ZFR2: variants seen among roughly 807,000 people sequenced by gnomAD.
ZFR2 encodes zinc finger RNA-binding protein 2.
A neutral mutation model predicts 105.7 loss-of-function variants in ZFR2; 104 were observed. That is an observed-to-expected ratio of 0.98 (90% CI 0.84 to 1.16). The LOEUF (loss-of-function observed/expected upper bound fraction) is 1.16, where lower values mean the gene tolerates loss of function less well. Ranked by LOEUF, ZFR2 falls within the 50% of genes most tolerant of loss-of-function variation. The pLI, the probability that ZFR2 is intolerant of heterozygous loss-of-function variation, is 0.00. For synonymous variants in ZFR2, 634 were observed against 597.7 expected, an observed-to-expected ratio of 1.06 and a Z score of -0.89; for missense variants, 1,425 against 1,355.5, an observed-to-expected ratio of 1.05 and a Z score of -0.80.
intron 6 of ZFR2, among the ~76,000 whole-genome samples, chr19:3,826,447 T>G (rs546228076): frequency 6.6e-6 from 1 of 151,384 alleles, no homozygotes; most frequent in Non-Finnish European, 1.5e-5. Flanking sequence ...CTTTTTTTTT[T>G]CTTTTGGCGA....
chr19:3,827,590 C>G lies in ZFR2; in HGVS notation c.916G>C (p.Val306Leu). Residue 306 changes from valine to leucine, a missense_variant, in exon 6 of 19, where the codon GTG (valine) becomes CTG (leucine). Val to Leu is a conservative substitution (Grantham distance 32). Transcript: ENST00000262961. ...CCGCGCGGGCTCCCGTTGGGCTGCA[C>G]GCCTGTCTTCTGGGCCGCCTCCTTC... Reference protein sequence around the residue: ...RKKEAAQKTGVQPNGSPRGVQ... With the variant: ...RKKEAAQKTGLQPNGSPRGVQ... 2 of 1,576,300 alleles carry G rather than the reference C, an allele frequency of 1.3e-6. No individual in the cohort carries two copies. The highest frequency in any genetic ancestry group is 1.7e-6 in the Non-Finnish European group (2 of 1,161,454).
At position 3,822,170 on chromosome 19, in the gene ZFR2, A is replaced by C; in HGVS notation, c.1402T>G (p.Phe468Val). 6.2e-7 allele frequency: 1 copy of C among 1,606,062 alleles called. No individual in the cohort carries two copies. Among genetic ancestry groups the C allele is most frequent in the Non-Finnish European group, 8.5e-7 (1 of 1,176,718 alleles). Residue 468 changes from phenylalanine (F) to valine (V), a missense_variant, in exon 9 of 19, where the codon TTC (phenylalanine) becomes GTC (valine). Phe to Val is a conservative substitution (Grantham distance 50). Coordinates refer to ENST00000262961, the MANE Select transcript of ZFR2 (RefSeq NM_015174.2). ...CTGCACTCGCACAGCTTGCAGTGGAAGCGAAGCACTCGCCCTTCGTCGCTG... is the reference window on the plus strand; with the variant it reads ...CTGCACTCGCACAGCTTGCAGTGGACGCGAAGCACTCGCCCTTCGTCGCTG... Reference protein sequence around the residue: ...VFSDEGRVLRFHCKLCECSFN... With the variant: ...VFSDEGRVLRVHCKLCECSFN...
intron 5 of ZFR2, among the ~76,000 whole-genome samples, chr19:3,830,835 G>A (rs1415179346): frequency 6.6e-6 from 1 of 152,180 alleles, no homozygotes; most frequent in Non-Finnish European, 1.5e-5. Flanking sequence ...AAGCTCGTGT[G>A]TTTGGTAAAG....
Position 3,806,027 on chromosome 19 carries a change from C to A in ZFR2, c.2742G>T (p.Arg914Ser). 6.5e-7 allele frequency: 1 copy of A among 1,545,162 alleles called. No individual in the cohort carries two copies. The highest frequency in any genetic ancestry group is 8.7e-7 in the Non-Finnish European group (1 of 1,146,468). Residue 914 changes from arginine to serine, a missense_variant, in exon 19 of 19, where the codon AGG becomes AGT. Coordinates refer to ENST00000262961, the MANE Select transcript of ZFR2 (RefSeq NM_015174.2). The stretch of plus-strand genomic sequence containing the variant: ...CCTCTCCCTCGCCAGGTCCCCGTTG[C>A]CTCTTCCGGAAGCGGGCCCCCAGCC... The part of the protein sequence containing the change: ...RHRLGARFRK[R>S]QRGPGEGEEG...
intron 3 of ZFR2, among the ~76,000 whole-genome samples, chr19:3,833,207 C>T (rs1293614438): frequency 6.7e-6 from 1 of 148,634 alleles, no homozygotes; most frequent in African/African-American, 2.5e-5. Flanking sequence ...TGAGATCGCA[C>T]CACTGCACTC....
chr19:3,837,221 T>C (rs558366211), intron 1 of ZFR2, among the ~76,000 whole-genome samples: 2 of 152,344 alleles, frequency 1.3e-5, no homozygotes, highest in South Asian at 4.1e-4. Flanking sequence ...CACTGCAACC[T>C]TTGCCTCCTG....
intron 14 of ZFR2, among the ~76,000 whole-genome samples, chr19:3,812,401 T>G (rs1295319814): frequency 2.6e-5 from 4 of 151,896 alleles, no homozygotes; most frequent in Non-Finnish European, 5.9e-5. Flanking sequence ...TTTTAGAAGC[T>G]CACCTCCCCA....
At chr19:3,840,308 G>T (rs1393645371) in intron 1 of ZFR2, among the ~76,000 whole-genome samples, 1 of 151,744 alleles carries the variant, frequency 6.6e-6, no homozygotes, top group Non-Finnish European at 1.5e-5. Context: ...TGTGATCTCG[G>T]CTCACAGCAA....
chr19:3,839,936 C>T (rs1467954873), intron 1 of ZFR2, among the ~76,000 whole-genome samples: 2 of 151,994 alleles, frequency 1.3e-5, no homozygotes, highest in Admixed American at 6.6e-5. Flanking sequence ...TCACTGCAGC[C>T]TCTAACTCCT....
intron 12 of ZFR2, among the ~76,000 whole-genome samples, chr19:3,818,430 C>T (rs1018401595): frequency 6.6e-6 from 1 of 152,132 alleles, no homozygotes; most frequent in Non-Finnish European, 1.5e-5. Flanking sequence ...CGCGCCATTG[C>T]CCTCCAGCCT....
chr19:3,856,658 T>C (rs4807521), intron 1 of ZFR2, among the ~76,000 whole-genome samples: 93,674 of 152,024 alleles, frequency 0.62, 29,422 homozygotes, highest in Admixed American at 0.76. Context: ...GATGGTGTGA[T>C]GATTAAACAA....
At chr19:3,857,081 CTTT>C (rs57226127) in intron 1 of ZFR2, 3 of 64,220 alleles carry the variant, frequency 4.7e-5, no homozygotes, top group South Asian at 6.8e-4. Flanking sequence ...GTGAAATCTT[CTTT>C]TTTTTTTTTT....
At chr19:3,848,965 G>T (rs2038208965) in intron 1 of ZFR2, among the ~76,000 whole-genome samples, 1 of 152,232 alleles carries the variant, frequency 6.6e-6, no homozygotes, top group Non-Finnish European at 1.5e-5. Context: ...CTGCACTCCA[G>T]CCTGGACAAC....
chr19:3,819,309 G>GGGCAGGTA lies in ZFR2; in HGVS notation c.1741-75_1741-74insTACCTGCC. The GGGCAGGTA allele has an allele frequency of 5.7e-6, 7 of 1,229,280 alleles. No homozygotes were observed. The South Asian group carries it at 1.1e-4, about 19-fold the overall frequency. 76.1% of individuals were successfully genotyped at this position (1,229,280 alleles called of 1,614,324 possible). A position where few individuals can be genotyped will look rare whatever the true frequency, so the allele number is the denominator to read the frequency against. The stretch of plus-strand genomic sequence containing the variant: ...GGGAGTGCTGGGCAGGCGGGCAGGT[G>GGGCAGGTA]GGGGCAGGTGGCCGTGGCCAGCCAG... On this transcript the variant is annotated intron_variant, in intron 11 of 18. Transcript: ENST00000262961.
At chr19:3,855,608 G>C in intron 1 of ZFR2, 1 of 466,092 alleles carries the variant, frequency 2.1e-6, no homozygotes, top group Non-Finnish European at 3.5e-6. Flanking sequence ...AATTCAACGC[G>C]ATCTGATGGT....
rs2037795237 is a variant in ZFR2 at position 3,813,675 on chromosome 19, C to T, written c.2242+145G>A. 5 of 1,216,148 alleles carry T rather than the reference C, an allele frequency of 4.1e-6. No individual in the cohort carries two copies. In the South Asian group the frequency reaches 7.4e-5, roughly 18 times the overall value. 75.3% of individuals were successfully genotyped at this position (1,216,148 alleles called of 1,614,324 possible). A position where few individuals can be genotyped will look rare whatever the true frequency, so the allele number is the denominator to read the frequency against. On this transcript the variant is annotated intron_variant, in intron 14 of 18. Coordinates refer to ENST00000262961, the MANE Select transcript of ZFR2 (RefSeq NM_015174.2). This position sits in a 1 kb window ranked among gnomAD's most constrained non-coding sequence, Gnocchi z 4.4. ...CAGCTCTTGTGTGACCCATGGAATC[C>T]TCAGGGGGACAGCAGTGCTGGAGCG... is the stretch of plus-strand genomic sequence containing the variant.
chr19:3,867,424 G>C (rs2038445907), intron 1 of ZFR2, among the ~76,000 whole-genome samples: 1 of 152,040 alleles, frequency 6.6e-6, no homozygotes, highest in African/African-American at 2.4e-5. Context: ...AGGCCTGGGA[G>C]AACAGTGTAG....
At chr19:3,837,812 C>G (rs1305955953) in intron 1 of ZFR2, among the ~76,000 whole-genome samples, 1 of 150,466 alleles carries the variant, frequency 6.6e-6, no homozygotes, top group Non-Finnish European at 1.5e-5. Flanking sequence ...AACACCATGA[C>G]TATGGACACT....
intron 1 of ZFR2, among the ~76,000 whole-genome samples, chr19:3,863,158 CG>C (rs747680074): frequency 1.1e-4 from 16 of 152,204 alleles, no homozygotes; most frequent in Non-Finnish European, 2.4e-4. Flanking sequence ...GCGAGCGTGG[CG>C]TCTGGGCTGG....
Sources: gnomAD v4.1 joint callset for allele counts (sites outside exome capture counted in the v4.1 genomes callset) on GRCh38, gnomAD v4.1.1 for gene constraint, Gnocchi (gnomAD v3.1) non-coding constraint, MANE v1.5 for transcripts, NCBI Gene and HGNC (gene_info 2026-07-23, HGNC 2026-07-21) for gene names.